The following STPG2 variants were observed in gnomAD, a reference collection of about 807,000 sequenced individuals.
The protein encoded by STPG2 is sperm tail PG-rich repeat containing 2, also known as sperm-tail PG-rich repeat-containing protein 2.
A neutral mutation model predicts 54.2 loss-of-function variants in STPG2; 56 were observed. The ratio of observed to expected loss-of-function variants is 1.03; its 90% CI spans 0.83 to 1.29. The LOEUF (loss-of-function observed/expected upper bound fraction) is 1.29. STPG2 is among the 50% of genes most tolerant of loss of function. The probability of loss-of-function intolerance (pLI) is 0.00; values close to 1 mark genes in which losing one functional copy is unlikely to be tolerated. For missense variants in STPG2, 596 were observed against 544.9 expected (o/e 1.09, Z -0.93); for synonymous variants, 200 against 181.8 (o/e 1.10, Z -0.81).
chr4:97,772,328 T>G (rs1194295225), intron 9 of STPG2, among the ~76,000 whole-genome samples: 2 of 152,216 alleles, frequency 1.3e-5, no homozygotes, highest in South Asian at 2.1e-4. Context: ...TTTAATTGTA[T>G]GTTTATTGTT....
chr4:97,818,303 C>T (rs1024493192), intron 9 of STPG2, among the ~76,000 whole-genome samples: 2 of 151,716 alleles, frequency 1.3e-5, no homozygotes, highest in African/African-American at 4.8e-5. Flanking sequence ...AGTATCGAAC[C>T]CTATAAATAC....
intron 10 of STPG2, among the ~76,000 whole-genome samples, chr4:97,668,817 G>A (rs766592285): frequency 6.6e-6 from 1 of 152,056 alleles, no homozygotes; most frequent in Admixed American, 6.6e-5. Flanking sequence ...GGGTCATTCC[G>A]AAGCTGATCT....
At chr4:97,906,671 A>T (rs1206166663) in intron 8 of STPG2, among the ~76,000 whole-genome samples, 1 of 151,948 alleles carries the variant, frequency 6.6e-6, no homozygotes, top group Non-Finnish European at 1.5e-5. Flanking sequence ...ATCCACCATG[A>T]TCAAGTGGGC....
chr4:98,034,037 G>A (rs1043627332), intron 5 of STPG2, among the ~76,000 whole-genome samples: 6 of 151,970 alleles, frequency 3.9e-5, no homozygotes, highest in Non-Finnish European at 7.4e-5. Context: ...TTTGAAAACC[G>A]GCATAAGATA....
intron 10 of STPG2, among the ~76,000 whole-genome samples, chr4:97,662,095 G>C (rs971828728): frequency 6.6e-6 from 1 of 152,046 alleles, no homozygotes; most frequent in African/African-American, 2.4e-5. Flanking sequence ...AGAGTAAACA[G>C]ACAACCTACA....
intron 9 of STPG2, among the ~76,000 whole-genome samples, chr4:97,768,723 A>G (rs1167178295): frequency 6.6e-6 from 1 of 151,384 alleles, no homozygotes; most frequent in Non-Finnish European, 1.5e-5. Context: ...TTTTCCCAAG[A>G]AGGAGTCTTG....
chr4:97,666,611 C>T (rs1321850889), intron 10 of STPG2, among the ~76,000 whole-genome samples: 2 of 152,152 alleles, frequency 1.3e-5, no homozygotes, highest in Admixed American at 6.6e-5. Flanking sequence ...CATCCTCAAA[C>T]TGTTGTTTAC....
intron 9 of STPG2, among the ~76,000 whole-genome samples, chr4:97,796,854 G>A (rs1260692512): frequency 3.3e-5 from 5 of 152,010 alleles, no homozygotes; most frequent in Non-Finnish European, 7.4e-5. Context: ...ATTTGTTTAT[G>A]TCCTCTTTTA....
intron 5 of STPG2, among the ~76,000 whole-genome samples, chr4:98,018,142 A>G (rs895198305): frequency 3.3e-5 from 5 of 152,026 alleles, no homozygotes; most frequent in Non-Finnish European, 7.4e-5. Context: ...AGCATTAGGT[A>G]TATTTCCTAA....
chr4:97,700,044 G>A (rs1052569769), intron 10 of STPG2, among the ~76,000 whole-genome samples: 5 of 152,156 alleles, frequency 3.3e-5, no homozygotes, highest in African/African-American at 9.7e-5. Flanking sequence ...ATAGTCAAAC[G>A]TTCAGTTTCT....
At chr4:97,562,832 G>T (rs1560661556) in intron 10 of STPG2, among the ~76,000 whole-genome samples, 1 of 152,108 alleles carries the variant, frequency 6.6e-6, no homozygotes, top group Non-Finnish European at 1.5e-5. Flanking sequence ...TGTGCTGTGG[G>T]ATTCGGTTTG....
intron 5 of STPG2, among the ~76,000 whole-genome samples, chr4:97,993,186 C>CT (rs1228270815): frequency 1.3e-5 from 2 of 152,176 alleles, no homozygotes; most frequent in Middle Eastern, 3.4e-3. Flanking sequence ...ATGCTTTCAA[C>CT]TTTTTTCTGT....
At chr4:97,723,334 G>T (rs551237594) in intron 9 of STPG2, among the ~76,000 whole-genome samples, 1 of 152,002 alleles carries the variant, frequency 6.6e-6, no homozygotes, top group African/African-American at 2.4e-5. Flanking sequence ...CAAAAGGGGG[G>T]AGGGAGGGGT....
rs1461750992 is a variant in STPG2, at chr4:97,997,795, G to C, written c.613-16477C>G. On this transcript the variant is annotated intron_variant, in intron 5 of 10. Transcript: ENST00000295268. ...ATACTACATGTTCTCACTTGTAAGT[G>C]AGAGGTAAACATTGAATACATACGG... is the stretch of plus-strand genomic sequence containing the variant. Among the ~76,000 whole-genome samples the C allele has an allele frequency of 2.6e-5, 4 of 152,138 alleles. No homozygotes were observed. The East Asian group carries it at 7.7e-4, about 29-fold the overall frequency.
chr4:97,708,751 G>A (rs1405776265), intron 10 of STPG2, among the ~76,000 whole-genome samples: 1 of 150,772 alleles, frequency 6.6e-6, no homozygotes, highest in Non-Finnish European at 1.5e-5. Context: ...TTACATATAT[G>A]TTAATGCATT....
chr4:97,777,558 A>C (rs559301093), intron 9 of STPG2, among the ~76,000 whole-genome samples: 6 of 152,220 alleles, frequency 3.9e-5, no homozygotes, highest in Non-Finnish European at 7.3e-5. Flanking sequence ...TATTAGCTCT[A>C]GGGAATGGAC....
At chr4:97,663,751 T>C (rs1353677119) in intron 10 of STPG2, among the ~76,000 whole-genome samples, 1 of 152,206 alleles carries the variant, frequency 6.6e-6, no homozygotes, top group Non-Finnish European at 1.5e-5. Flanking sequence ...CATCTGAAGT[T>C]AGCCTTTTAT....
chr4:97,442,159 G>A (rs1470396435), intron 4 of STPG2, among the ~76,000 whole-genome samples: 1 of 151,766 alleles, frequency 6.6e-6, no homozygotes, highest in African/African-American at 2.4e-5. Flanking sequence ...TGACCCAAGG[G>A]CAAACCTGTG....
At chr4:98,044,769 T>G (rs1359930269) in intron 5 of STPG2, among the ~76,000 whole-genome samples, 2 of 152,176 alleles carry the variant, frequency 1.3e-5, no homozygotes, top group African/African-American at 2.4e-5. Context: ...GTTAATCTTT[T>G]TCTAACAATG....
Sources: gnomAD v4.1 joint callset for allele counts (sites outside exome capture counted in the v4.1 genomes callset) on GRCh38, gnomAD v4.1.1 for gene constraint, MANE v1.5 for transcripts, NCBI Gene and HGNC (gene_info 2026-07-23, HGNC 2026-07-21) for gene names.